MFSD6: variants seen among roughly 807,000 people sequenced by gnomAD.
MFSD6 encodes major facilitator superfamily domain containing 6, also known as major facilitator superfamily domain-containing protein 6.
A neutral mutation model predicts 56.3 loss-of-function variants in MFSD6; 26 were observed. The ratio of observed to expected loss-of-function variants is 0.46; its 90% CI spans 0.34 to 0.64. The LOEUF (loss-of-function observed/expected upper bound fraction) is 0.64, where lower values mean the gene tolerates loss of function less well. MFSD6 is among the 30% of genes least tolerant of loss of function. The pLI, the probability that MFSD6 is intolerant of heterozygous loss-of-function variation, is 0.01. For missense variants in MFSD6, 750 were observed against 986.2 expected, an observed-to-expected ratio of 0.76 and a Z score of 3.21; for synonymous variants, 331 against 366.9, an observed-to-expected ratio of 0.90 and a Z score of 1.12.
At chr2:190,478,345 C>T (rs758357869) in intron 4 of MFSD6, among the ~76,000 whole-genome samples, 5 of 152,036 alleles carry the variant, frequency 3.3e-5, no homozygotes, top group Non-Finnish European at 7.4e-5. Context: ...GGTTTCATTC[C>T]CTGGCAGAAG....
In MFSD6 at chr2:190,499,906, A is replaced by G; in HGVS notation, c.2173-109A>G. ...CTATTACTTGGTCCCTGAAATGGGC[A>G]CTTCCGGATGATCTCCCCATGTTTC... On this transcript the variant is annotated intron_variant, in intron 7 of 7. Transcript: ENST00000392328. This position sits in a 1 kb window ranked among gnomAD's most constrained non-coding sequence, Gnocchi z 6.0. 2 of 1,574,308 alleles carry G rather than the reference A, an allele frequency of 1.3e-6. No homozygotes were observed. Among genetic ancestry groups the G allele is most frequent in the Non-Finnish European group, 1.7e-6 (2 of 1,156,840 alleles).
At position 190,465,510 on chromosome 2, in the gene MFSD6, T is replaced by C. The variant is rs556429333; in HGVS notation, c.1533-4248T>C. Among the ~76,000 whole-genome samples, 19 of 152,192 alleles carry C rather than the reference T, an allele frequency of 1.2e-4. No individual in the cohort carries two copies. The highest frequency in any genetic ancestry group is 4.6e-4 in the African/African-American group (19 of 41,520). On this transcript the variant is annotated intron_variant, in intron 3 of 7. Coordinates refer to ENST00000392328, the MANE Select transcript of MFSD6 (RefSeq NM_017694.4). This position sits in a 1 kb window ranked among gnomAD's most constrained non-coding sequence, Gnocchi z 4.6. ...ATCAGTAATCTTATGTATAATCTTATGTAAAAAAATTCTAGGACCCTGAAC... is the reference window on the plus strand; with the variant it reads ...ATCAGTAATCTTATGTATAATCTTACGTAAAAAAATTCTAGGACCCTGAAC...
Position 190,500,534 on chromosome 2 carries a change from T to C in MFSD6, c.*316T>C, listed in dbSNP as rs1038858458. The C allele has an allele frequency of 8.5e-5, 25 of 295,714 alleles. No homozygotes were observed. Among genetic ancestry groups the C allele is most frequent in the African/African-American group, 4.9e-4 (23 of 46,996 alleles). 18.3% of individuals were successfully genotyped at this position (295,714 alleles called of 1,614,324 possible). ...TGCAGTAAGAGTTGAAACCGGCAGT[T>C]ACACTAAGTAAGTGGAGGGAATGAA... On this transcript the variant is annotated 3_prime_UTR_variant, in exon 8 of 8. Coordinates refer to ENST00000392328, the MANE Select transcript of MFSD6 (RefSeq NM_017694.4). The surrounding 1 kb of genome is among the most constrained non-coding windows in gnomAD (Gnocchi z 5.3).
chr2:190,417,937 A>G lies in MFSD6; in HGVS notation c.-54+2524A>G, dbSNP rs1036913408. Among the ~76,000 whole-genome samples, 1 of 142,632 alleles carries G rather than the reference A, an allele frequency of 7.0e-6. No homozygotes were observed. Among genetic ancestry groups the G allele is most frequent in the Non-Finnish European group, 1.5e-5 (1 of 65,600 alleles). The allele number at this position is 142,632 out of a possible 152,430, so 93.6% of individuals were successfully genotyped here. A position where few individuals can be genotyped will look rare whatever the true frequency, so the allele number is the denominator to read the frequency against. ...GCTATGTGGCTTTTCTTCCATTATT[A>G]TTCTGACTTTTCATTTAACCCTTTA... On this transcript the variant is annotated intron_variant, in intron 2 of 7. Coordinates refer to ENST00000392328, the MANE Select transcript of MFSD6 (RefSeq NM_017694.4). This position sits in a 1 kb window ranked among gnomAD's most constrained non-coding sequence, Gnocchi z 5.7.
intron 2 of MFSD6, among the ~76,000 whole-genome samples, chr2:190,427,306 T>C (rs1347191610): frequency 6.6e-6 from 1 of 152,224 alleles, no homozygotes; most frequent in Non-Finnish European, 1.5e-5. Context: ...TTCCCCATTA[T>C]AGCTTGGTGA....
intron 4 of MFSD6, chr2:190,477,240 G>T: frequency 1.0e-6 from 1 of 982,624 alleles, no homozygotes; most frequent in Non-Finnish European, 1.2e-6. Context: ...GGAACTGCAG[G>T]TAAGAATGAT....
Position 190,465,687 on chromosome 2 carries a change from G to C in MFSD6, c.1533-4071G>C, listed in dbSNP as rs1687568007. On this transcript the variant is annotated intron_variant, in intron 3 of 7. Coordinates refer to ENST00000392328, the MANE Select transcript of MFSD6 (RefSeq NM_017694.4). The surrounding 1 kb of genome is among the most constrained non-coding windows in gnomAD (Gnocchi z 4.6). ...GTTACCACAAAGTACCACGGTCTGG[G>C]TGGCTTAAAAAACAGAAGTTTATGG... Among the ~76,000 whole-genome samples, 1 of 152,066 alleles carries C rather than the reference G, an allele frequency of 6.6e-6. No homozygotes were observed. Among genetic ancestry groups the C allele is most frequent in the South Asian group, 2.1e-4 (1 of 4,804 alleles).
rs1685699273 is a variant in MFSD6, at chr2:190,423,552, G to A, written c.-54+8139G>A. ...TCCTTCCATCCTTTGAAGGGCTTTT[G>A]GGTTGTCTCCACTTTTTGGCTATTA... On this transcript the variant is annotated intron_variant, in intron 2 of 7. Coordinates refer to ENST00000392328, the MANE Select transcript of MFSD6 (RefSeq NM_017694.4). The surrounding 1 kb of genome is among the most constrained non-coding windows in gnomAD (Gnocchi z 4.3). Among the ~76,000 whole-genome samples, 2 of 152,094 alleles carry A rather than the reference G, an allele frequency of 1.3e-5. No individual in the cohort carries two copies. The highest frequency in any genetic ancestry group is 2.4e-5 in the African/African-American group (1 of 41,406).
At position 190,469,310 on chromosome 2, in the gene MFSD6, T is replaced by G. The variant is rs142464652; in HGVS notation, c.1533-448T>G. On this transcript the variant is annotated intron_variant, in intron 3 of 7. Coordinates refer to ENST00000392328, the MANE Select transcript of MFSD6 (RefSeq NM_017694.4). The surrounding 1 kb of genome is among the most constrained non-coding windows in gnomAD (Gnocchi z 5.3). ...TTATGAGCAAGGCCACATTCGTGTT[T>G]ACATATTCTCATTTTTATCCTTCCT... 6.6e-6 allele frequency among the ~76,000 whole-genome samples: 1 copy of G among 152,186 alleles called. No individual in the cohort carries two copies. The highest frequency in any genetic ancestry group is 1.5e-5 in the Non-Finnish European group (1 of 68,034).
chr2:190,476,521 T>C (rs1475357961), intron 4 of MFSD6, among the ~76,000 whole-genome samples: 2 of 152,124 alleles, frequency 1.3e-5, no homozygotes, highest in Non-Finnish European at 2.9e-5. Context: ...CTCATACCAA[T>C]TAGAATGGCA....
intron 4 of MFSD6, among the ~76,000 whole-genome samples, chr2:190,479,807 C>T (rs576070791): frequency 2.5e-4 from 38 of 152,218 alleles, no homozygotes; most frequent in African/African-American, 7.7e-4. Context: ...TCAGCTCTCT[C>T]TCTGTAGGAT....
upstream of MFSD6, among the ~76,000 whole-genome samples, chr2:190,407,954 G>T (rs1255352634): frequency 2.6e-5 from 4 of 151,864 alleles, no homozygotes; most frequent in Middle Eastern, 3.4e-3. This position sits in a 1 kb window ranked among gnomAD's most constrained non-coding sequence, Gnocchi z 5.4. Context: ...GGGCTCAGCG[G>T]AAGTCGCTTG....
In MFSD6 at chr2:190,414,371, C is replaced by G. The variant is rs548000086; in HGVS notation, c.-175-921C>G. On this transcript the variant is annotated intron_variant, in intron 1 of 7. Coordinates refer to ENST00000392328, the MANE Select transcript of MFSD6 (RefSeq NM_017694.4). ...TGGAGTGCCTTTCTTAATTCTATTT[C>G]AAAATCATGCCTGTGCAATTGTGTT... Among the ~76,000 whole-genome samples, 61 of 152,324 alleles carry G rather than the reference C, an allele frequency of 4.0e-4. 1 individual carries two copies. The highest frequency in any genetic ancestry group is 1.5e-3 in the African/African-American group (61 of 41,570).
At chr2:190,414,950 A>G (rs981370980) in intron 1 of MFSD6, among the ~76,000 whole-genome samples, 1 of 152,200 alleles carries the variant, frequency 6.6e-6, no homozygotes, top group Admixed American at 6.5e-5. Context: ...TTCATTTAAC[A>G]TGATGCATTT....
chr2:190,484,802 G>A (rs78384020), intron 4 of MFSD6, among the ~76,000 whole-genome samples: 2 of 152,010 alleles, frequency 1.3e-5, no homozygotes, highest in Non-Finnish European at 2.9e-5. Context: ...TCACTTATAC[G>A]ATATCTTAAA....
rs1322533994 is a variant in MFSD6, at chr2:190,500,600, ATTATTTATTCT to A, written c.*384_*394del. ...ATGTGGATATAATTTCCCTCTTCTGATTATTTATTCTTATTTGGTTCCTAACACAAACTGGG... is the reference window on the plus strand; with the variant it reads ...ATGTGGATATAATTTCCCTCTTCTGATATTTGGTTCCTAACACAAACTGGG... On this transcript the variant is annotated 3_prime_UTR_variant, in exon 8 of 8. Coordinates refer to ENST00000392328, the MANE Select transcript of MFSD6 (RefSeq NM_017694.4). This position sits in a 1 kb window ranked among gnomAD's most constrained non-coding sequence, Gnocchi z 5.3. The A allele has an allele frequency of 7.8e-5, 14 of 180,016 alleles. No individual in the cohort carries two copies. In the East Asian group the frequency reaches 2.0e-3, roughly 26 times the overall value. The allele number at this position is 180,016 out of a possible 1,614,324, so 11.2% of individuals were successfully genotyped here. A position where few individuals can be genotyped will look rare whatever the true frequency, so the allele number is the denominator to read the frequency against.
rs574705555 is a variant in MFSD6, at chr2:190,425,071, T to G, written c.-54+9658T>G. Among the ~76,000 whole-genome samples, 1 of 151,180 alleles carries G rather than the reference T, an allele frequency of 6.6e-6. No individual in the cohort carries two copies. Among genetic ancestry groups the G allele is most frequent in the East Asian group, 1.9e-4 (1 of 5,202 alleles). ...TTTTCAGCATAAGGCCTTGTACACA[T>G]TTTTTAAATTTATACCCAAGTGTTT... On this transcript the variant is annotated intron_variant, in intron 2 of 7. Transcript: ENST00000392328. This position sits in a 1 kb window ranked among gnomAD's most constrained non-coding sequence, Gnocchi z 4.3.
At position 190,467,461 on chromosome 2, in the gene MFSD6, A is replaced by G. The variant is rs1028834431; in HGVS notation, c.1533-2297A>G. On this transcript the variant is annotated intron_variant, in intron 3 of 7. Coordinates refer to ENST00000392328, the MANE Select transcript of MFSD6 (RefSeq NM_017694.4). This position sits in a 1 kb window ranked among gnomAD's most constrained non-coding sequence, Gnocchi z 5.5. ...AACCTCGTCTCTACTAAAAATACAAAAATTAGCCAGGCATGGTGGCACATT... is the reference window on the plus strand; with the variant it reads ...AACCTCGTCTCTACTAAAAATACAAGAATTAGCCAGGCATGGTGGCACATT... Among the ~76,000 whole-genome samples, 3 of 152,208 alleles carry G rather than the reference A, an allele frequency of 2.0e-5. No homozygotes were observed. The highest frequency in any genetic ancestry group is 7.2e-5 in the African/African-American group (3 of 41,452).
chr2:190,489,786 G>A lies in MFSD6; in HGVS notation c.1811G>A (p.Arg604Gln), dbSNP rs1475050493. 8.7e-6 allele frequency: 14 copies of A among 1,614,016 alleles called. 1 individual carries two copies. Among genetic ancestry groups the A allele is most frequent in the African/African-American group, 2.7e-5 (2 of 74,946 alleles). Residue 604 changes from arginine (R) to glutamine (Q), a missense_variant, in exon 6 of 8, where the codon CGA (arginine) becomes CAA (glutamine). Arg to Gln is a conservative substitution (Grantham distance 43). Transcript: ENST00000392328. This position sits in a 1 kb window ranked among gnomAD's most constrained non-coding sequence, Gnocchi z 6.6. ...TTTATAGGGGCTGCTGCAACCTTCC[G>A]AGGAATTGGCATGGCCTGCTTGGTG... ...VNYFGAAATF[R>Q]GIGMACLVIL... is the part of the protein sequence containing the mutation.
Sources: gnomAD v4.1 joint callset for allele counts (sites outside exome capture counted in the v4.1 genomes callset) on GRCh38, gnomAD v4.1.1 for gene constraint, Gnocchi (gnomAD v3.1) non-coding constraint, MANE v1.5 for transcripts, NCBI Gene and HGNC (gene_info 2026-07-23, HGNC 2026-07-21) for gene names.